GALNT1: variants seen among roughly 807,000 people sequenced by gnomAD.
GALNT1 encodes the protein GalNAc transferase 1.
In GALNT1, 17 loss-of-function variants were observed where a neutral mutation model predicts 65.7. The ratio of observed to expected loss-of-function variants is 0.26; its 90% CI spans 0.18 to 0.39. The LOEUF (loss-of-function observed/expected upper bound fraction) is 0.39, where lower values mean the gene tolerates loss of function less well. Ranked by LOEUF, GALNT1 falls within the 10% of genes least tolerant of loss-of-function variation. The probability of loss-of-function intolerance (pLI) is 1.00; values close to 1 mark genes in which losing one functional copy is unlikely to be tolerated. For synonymous variants in GALNT1, 210 were observed against 219.7 expected (o/e 0.96, Z 0.39); for missense variants, 460 against 672.8 (o/e 0.68, Z 3.50).
intron 1 of GALNT1, among the ~76,000 whole-genome samples, chr18:35,587,144 G>A (rs1206197317): frequency 6.6e-6 from 1 of 152,040 alleles, no homozygotes; most frequent in Admixed American, 6.5e-5. Flanking sequence ...TAATTTTGGT[G>A]TCCATGTACT....
chr18:35,587,955 C>G (rs2143842382), intron 1 of GALNT1, among the ~76,000 whole-genome samples: 1 of 152,006 alleles, frequency 6.6e-6, no homozygotes, highest in East Asian at 1.9e-4. Flanking sequence ...GGAAATTTTC[C>G]TTTCATCTTC....
Position 35,632,167 on chromosome 18 carries a change from A to C in GALNT1, c.-103-22393A>C, listed in dbSNP as rs771002085. Among the ~76,000 whole-genome samples, 57 of 152,324 alleles carry C rather than the reference A, an allele frequency of 3.7e-4. 1 individual carries two copies. The highest frequency in any genetic ancestry group is 1.4e-3 in the African/African-American group (57 of 41,566). The stretch of plus-strand genomic sequence containing the variant: ...TCAATGCCATCCCCATCAAGCTACC[A>C]ATGACTTTCTTCACAGAATTGGAAA... On this transcript the variant is annotated intron_variant, in intron 1 of 11. Transcript: ENST00000269195.
chr18:35,627,221 T>C (rs1349470866), intron 1 of GALNT1, among the ~76,000 whole-genome samples: 1 of 152,216 alleles, frequency 6.6e-6, no homozygotes, highest in East Asian at 1.9e-4. Flanking sequence ...AGTAATAGTT[T>C]ATTAACTCAC....
At chr18:35,635,590 A>G (rs2144240492) in intron 1 of GALNT1, among the ~76,000 whole-genome samples, 1 of 152,346 alleles carries the variant, frequency 6.6e-6, no homozygotes, top group East Asian at 1.9e-4. Context: ...TGTTAACTCG[A>G]TTCATACAGT....
At chr18:35,634,619 C>T (rs545723642) in intron 1 of GALNT1, among the ~76,000 whole-genome samples, 2 of 152,284 alleles carry the variant, frequency 1.3e-5, no homozygotes, top group South Asian at 4.1e-4. Flanking sequence ...TACTAGGGAA[C>T]CTCATTAGAG....
At chr18:35,653,773 T>C (rs1466249428) in intron 1 of GALNT1, among the ~76,000 whole-genome samples, 1 of 152,222 alleles carries the variant, frequency 6.6e-6, no homozygotes, top group African/African-American at 2.4e-5. Context: ...TTTCTCATCA[T>C]GGTATAACAT....
intron 3 of GALNT1, among the ~76,000 whole-genome samples, chr18:35,671,222 T>C (rs1027577916): frequency 2.6e-5 from 4 of 152,108 alleles, no homozygotes; most frequent in Admixed American, 6.5e-5. Flanking sequence ...TATACACACA[T>C]ATATATTTTT....
chr18:35,647,039 G>C (rs2047240474), intron 1 of GALNT1, among the ~76,000 whole-genome samples: 1 of 152,150 alleles, frequency 6.6e-6, no homozygotes, highest in Non-Finnish European at 1.5e-5. Context: ...CGTATCTCTT[G>C]TATCTTCCCA....
In GALNT1 at chr18:35,599,951, A is replaced by C. The variant is rs540340339; in HGVS notation, c.-104+18089A>C. Among the ~76,000 whole-genome samples, 4 of 152,322 alleles carry C rather than the reference A, an allele frequency of 2.6e-5. No homozygotes were observed. In the South Asian group the frequency reaches 8.3e-4, roughly 32 times the overall value. On this transcript the variant is annotated intron_variant, in intron 1 of 11. Transcript: ENST00000269195. ...TGGCTTTCTAATACATTTTGAAGTC[A>C]GGTAGTGTGATGCCTACAGCTTTAT...
intron 9 of GALNT1, among the ~76,000 whole-genome samples, chr18:35,692,866 C>T (rs2047990997): frequency 6.6e-6 from 1 of 152,168 alleles, no homozygotes; most frequent in African/African-American, 2.4e-5. Context: ...GATTAAATCT[C>T]AGGAAAAGTG....
intron 9 of GALNT1, among the ~76,000 whole-genome samples, chr18:35,693,668 C>G (rs756391928): frequency 5.3e-5 from 8 of 152,086 alleles, no homozygotes; most frequent in Non-Finnish European, 1.0e-4. Context: ...AGCAGATGCT[C>G]AAGGGAATCA....
At chr18:35,602,515 T>C (rs1326080308) in intron 1 of GALNT1, among the ~76,000 whole-genome samples, 3 of 152,162 alleles carry the variant, frequency 2.0e-5, no homozygotes, top group Non-Finnish European at 1.5e-5. Context: ...TTTGAAGTTA[T>C]TCTGTATATC....
chr18:35,589,428 A>G (rs575567841), intron 1 of GALNT1, among the ~76,000 whole-genome samples: 2 of 152,244 alleles, frequency 1.3e-5, no homozygotes, highest in East Asian at 3.9e-4. Flanking sequence ...TGTCTGGAGT[A>G]GAGTGGTTTT....
intron 11 of GALNT1, among the ~76,000 whole-genome samples, 164 bp from the exon 12 acceptor site, chr18:35,709,459 TC>T (rs1187352916): frequency 1.3e-5 from 2 of 151,928 alleles, no homozygotes; most frequent in African/African-American, 4.8e-5. Context: ...TCTCTCTCTC[TC>T]TGTTTCTCCA....
At chr18:35,609,986 A>AT (rs1194397968) in intron 1 of GALNT1, among the ~76,000 whole-genome samples, 2 of 152,170 alleles carry the variant, frequency 1.3e-5, no homozygotes, top group Non-Finnish European at 2.9e-5. Flanking sequence ...GATCATTTCA[A>AT]TTTTTTAATT....
intron 7 of GALNT1, among the ~76,000 whole-genome samples, chr18:35,690,173 T>TAA (rs1376608024): frequency 6.6e-6 from 1 of 152,230 alleles, no homozygotes; most frequent in Non-Finnish European, 1.5e-5. Flanking sequence ...TTCATTAAAT[T>TAA]AAGGATGTAA....
chr18:35,632,423 A>T (rs2047026842), intron 1 of GALNT1, among the ~76,000 whole-genome samples: 1 of 152,214 alleles, frequency 6.6e-6, no homozygotes, highest in Non-Finnish European at 1.5e-5. Flanking sequence ...GATCTTTGAC[A>T]AACCTGACAA....
intron 1 of GALNT1, chr18:35,597,550 C>G (rs1718391387): frequency 2.0e-5 from 3 of 152,290 alleles, no homozygotes; most frequent in East Asian, 1.9e-4. Flanking sequence ...GATATTGGCC[C>G]TTTACATGCT....
At chr18:35,677,896 A>G in intron 4 of GALNT1, 139 bp downstream of exon 4, 1 of 604,266 alleles carries the variant, frequency 1.7e-6, no homozygotes, top group Admixed American at 3.4e-5. Context: ...GGATTCATTC[A>G]CATATGTAAA....
Sources: allele counts gnomAD v4.1 joint callset (sites outside exome capture counted in the v4.1 genomes callset), GRCh38; gene constraint gnomAD v4.1.1; transcripts MANE v1.5; gene names NCBI Gene and HGNC (gene_info 2026-07-23, HGNC 2026-07-21).